C12orf42: variants seen among roughly 807,000 people sequenced by gnomAD.
C12orf42 encodes the protein chromosome 12 open reading frame 42, also known as uncharacterized protein C12orf42.
A neutral mutation model predicts 21.6 loss-of-function variants in C12orf42; 25 were observed. The ratio of observed to expected loss-of-function variants is 1.16; its 90% CI spans 0.84 to 1.62. The LOEUF (loss-of-function observed/expected upper bound fraction) is 1.62, where lower values mean the gene tolerates loss of function less well. C12orf42 is among the 40% of genes most tolerant of loss of function. C12orf42 has a pLI of 0.00. For synonymous variants in C12orf42, 174 were observed against 175.0 expected (o/e 0.99, Z 0.05); for missense variants, 483 against 459.3 (o/e 1.05, Z -0.47).
chr12:103,419,466 G>A (rs774463812), intron 2 of C12orf42, among the ~76,000 whole-genome samples: 6 of 152,024 alleles, frequency 3.9e-5, no homozygotes, highest in South Asian at 2.1e-4. Context: ...GATGGGTGAC[G>A]AGACAGGAAG....
chr12:103,050,696 G>A, the C12orf42 span, among the ~76,000 whole-genome samples: 1 of 151,692 alleles, frequency 6.6e-6, no homozygotes, highest in Admixed American at 6.6e-5. Context: ...CCAAAACTTA[G>A]CCATTAACAA....
chr12:103,541,955 G>A, the C12orf42 span, among the ~76,000 whole-genome samples: 8 of 152,030 alleles, frequency 5.3e-5, no homozygotes, highest in African/African-American at 1.4e-4. Context: ...AGTCAGGCAT[G>A]GCCCATTCCA....
upstream of C12orf42, among the ~76,000 whole-genome samples, chr12:103,496,786 A>C (rs1294671825): frequency 3.2e-3 from 259 of 80,970 alleles, no homozygotes; most frequent in Admixed American, 4.8e-3. Flanking sequence ...CACCCCACAC[A>C]CCCACATCTA....
chr12:103,247,063 T>A (rs2034046166), intron 10 of C12orf42, among the ~76,000 whole-genome samples: 2 of 152,058 alleles, frequency 1.3e-5, no homozygotes, highest in South Asian at 4.1e-4. Flanking sequence ...AAAAGTTTCA[T>A]GATTTTTAAA....
At chr12:103,442,718 G>C (rs548585243) in intron 2 of C12orf42, among the ~76,000 whole-genome samples, 1 of 151,976 alleles carries the variant, frequency 6.6e-6, no homozygotes, top group Non-Finnish European at 1.5e-5. Context: ...TACATTAAGC[G>C]CTTTCTATGT....
chr12:103,475,097 T>A (rs182635711), intron 2 of C12orf42, among the ~76,000 whole-genome samples: 2 of 152,322 alleles, frequency 1.3e-5, no homozygotes, highest in Admixed American at 6.5e-5. Flanking sequence ...GGTGGAACCA[T>A]GTAGATTCAG....
the C12orf42 span, among the ~76,000 whole-genome samples, chr12:103,085,831 C>T: frequency 6.6e-6 from 1 of 152,176 alleles, no homozygotes; most frequent in Non-Finnish European, 1.5e-5. Context: ...AATCCTCTGG[C>T]ACTAACCCTG....
intron 2 of C12orf42, among the ~76,000 whole-genome samples, chr12:103,467,612 G>A (rs1010136326): frequency 5.3e-5 from 8 of 152,204 alleles, no homozygotes; most frequent in African/African-American, 1.9e-4. Flanking sequence ...ACGCACTTCA[G>A]TAAATGGTCT....
chr12:103,187,835 T>C, the C12orf42 span, among the ~76,000 whole-genome samples: 5 of 152,242 alleles, frequency 3.3e-5, no homozygotes, highest in Non-Finnish European at 5.9e-5. Context: ...TTAATGGCAC[T>C]GGTCACCACA....
chr12:103,164,189 G>A, the C12orf42 span, among the ~76,000 whole-genome samples: 16 of 152,160 alleles, frequency 1.1e-4, no homozygotes, highest in Non-Finnish European at 2.9e-5. Flanking sequence ...AGTGGAATAA[G>A]AGTCTCCACA....
chr12:103,205,713 G>A, the C12orf42 span, among the ~76,000 whole-genome samples: 1 of 152,034 alleles, frequency 6.6e-6, no homozygotes, highest in Admixed American at 6.6e-5. Context: ...CCAAAGGCAG[G>A]AAGCAGTCCA....
At chr12:103,200,665 C>A in the C12orf42 span, among the ~76,000 whole-genome samples, 1 of 152,076 alleles carries the variant, frequency 6.6e-6, no homozygotes, top group African/African-American at 2.4e-5. Context: ...ATGCAGTAAA[C>A]ATTCTCAATA....
At position 103,462,096 on chromosome 12, in the gene C12orf42, GTTTTTTTTTTTTTT is replaced by G. The variant is rs71097979; in HGVS notation, c.78+16239_78+16252del. ...CCATTTTTGTTTTGTTTTTTGCTTG[GTTTTTTTTTTTTTT>G]TTTTTTTTTTTTTTGAGACAGAGTT... On this transcript the variant is annotated intron_variant, in intron 2 of 5. Transcript: ENST00000548883. Among the ~76,000 whole-genome samples the G allele has an allele frequency of 2.2e-3, 61 of 27,732 alleles. 1 individual carries two copies. The highest frequency in any genetic ancestry group is 3.7e-3 in the Non-Finnish European group (56 of 15,078). 18.2% of individuals were successfully genotyped at this position (27,732 alleles called of 152,430 possible). A position where few individuals can be genotyped will look rare whatever the true frequency, so the allele number is the denominator to read the frequency against.
At chr12:103,352,724 G>A (rs910902674) in intron 4 of C12orf42, among the ~76,000 whole-genome samples, 6 of 152,248 alleles carry the variant, frequency 3.9e-5, no homozygotes, top group East Asian at 3.9e-4. Context: ...ACAGTCACAG[G>A]CTATGAAGGG....
intron 2 of C12orf42, among the ~76,000 whole-genome samples, chr12:103,471,747 A>C (rs11111594): frequency 0.19 from 28,515 of 152,228 alleles, 2,934 homozygotes; most frequent in African/African-American, 0.28. Flanking sequence ...AAATACCCAC[A>C]TATATATAAC....
chr12:103,321,984 G>A (rs960124609), intron 4 of C12orf42, among the ~76,000 whole-genome samples: 1 of 151,980 alleles, frequency 6.6e-6, no homozygotes, highest in Non-Finnish European at 1.5e-5. Flanking sequence ...CCTGCACAAT[G>A]TGCACATGTA....
chr12:103,150,417 C>T, the C12orf42 span, among the ~76,000 whole-genome samples: 2 of 152,224 alleles, frequency 1.3e-5, no homozygotes, highest in African/African-American at 4.8e-5. Flanking sequence ...AACTGAAGCA[C>T]TTCTGAAAGT....
intron 3 of C12orf42, among the ~76,000 whole-genome samples, chr12:103,390,146 A>G (rs1035381128): frequency 8.5e-5 from 13 of 152,086 alleles, no homozygotes; most frequent in African/African-American, 2.4e-5. Flanking sequence ...GATATAAGAG[A>G]TCTGTCTTTC....
chr12:103,476,742 T>C (rs1209978145), intron 2 of C12orf42, among the ~76,000 whole-genome samples: 1 of 152,224 alleles, frequency 6.6e-6, no homozygotes, highest in Non-Finnish European at 1.5e-5. Flanking sequence ...AAGTTGTCCA[T>C]AAATGCTAGC....
Sources: allele counts gnomAD v4.1 joint callset (sites outside exome capture counted in the v4.1 genomes callset), GRCh38; gene constraint gnomAD v4.1.1; transcripts MANE v1.5; gene names NCBI Gene and HGNC (gene_info 2026-07-23, HGNC 2026-07-21).